AGBL1: variants seen among roughly 807,000 people sequenced by gnomAD.
AGBL1 encodes AGBL carboxypeptidase 1, also known as cytosolic carboxypeptidase 4.
In AGBL1, 130 loss-of-function variants were observed where a neutral mutation model predicts 118.9. That is an observed-to-expected ratio of 1.09 (90% CI 0.95 to 1.26). The LOEUF (loss-of-function observed/expected upper bound fraction) is 1.26, where lower values mean the gene tolerates loss of function less well. Ranked by LOEUF, AGBL1 falls within the 50% of genes most tolerant of loss-of-function variation. The pLI is 0.00. For synonymous variants in AGBL1, 555 were observed against 478.9 expected (o/e 1.16, Z -2.08); for missense variants, 1,584 against 1,298.1 (o/e 1.22, Z -3.38).
chr15:86,646,435 A>C (rs981989886), intron 21 of AGBL1, among the ~76,000 whole-genome samples: 5 of 152,138 alleles, frequency 3.3e-5, no homozygotes, highest in African/African-American at 1.2e-4. Context: ...TTCTCATAGA[A>C]AAGGTTTTGT....
At chr15:86,732,712 G>A (rs1008333734) in intron 22 of AGBL1, among the ~76,000 whole-genome samples, 1 of 152,062 alleles carries the variant, frequency 6.6e-6, no homozygotes, top group Non-Finnish European at 1.5e-5. Context: ...ATTCTAGACT[G>A]TGCCATATAT....
chr15:86,856,998 A>T (rs913674886), intron 22 of AGBL1, among the ~76,000 whole-genome samples: 1 of 152,136 alleles, frequency 6.6e-6, no homozygotes, highest in Non-Finnish European at 1.5e-5. Flanking sequence ...CAGTGGTCCT[A>T]CGTCCCAGCT....
At chr15:86,246,539 A>T (rs1235527601) in intron 6 of AGBL1, among the ~76,000 whole-genome samples, 3 of 152,110 alleles carry the variant, frequency 2.0e-5, no homozygotes, top group Non-Finnish European at 4.4e-5. Flanking sequence ...GGTGTTGTCC[A>T]TTGGGTTTTA....
intron 18 of AGBL1, among the ~76,000 whole-genome samples, chr15:86,398,894 T>G (rs1225238545): frequency 1.3e-5 from 2 of 152,092 alleles, no homozygotes; most frequent in Non-Finnish European, 2.9e-5. Flanking sequence ...AAAATAAAAT[T>G]TCAGTACACA....
At chr15:86,155,179 A>G (rs945212788) in intron 4 of AGBL1, among the ~76,000 whole-genome samples, 1 of 152,222 alleles carries the variant, frequency 6.6e-6, no homozygotes, top group African/African-American at 2.4e-5. Flanking sequence ...TTTAAAGAGT[A>G]AAGCAGGGCC....
chr15:86,813,465 C>G (rs1268941278), intron 22 of AGBL1, among the ~76,000 whole-genome samples: 1 of 152,148 alleles, frequency 6.6e-6, no homozygotes, highest in Admixed American at 6.5e-5. Flanking sequence ...TAAGAAGAGT[C>G]ATATATGATT....
At chr15:86,649,775 G>GT (rs2085340545) in intron 21 of AGBL1, among the ~76,000 whole-genome samples, 1 of 145,396 alleles carries the variant, frequency 6.9e-6, no homozygotes, top group Non-Finnish European at 1.5e-5. Context: ...TTTTTTTTTG[G>GT]TGGGGGGCTT....
At chr15:86,979,631 G>C (rs2081209490) in intron 23 of AGBL1, among the ~76,000 whole-genome samples, 1 of 151,640 alleles carries the variant, frequency 6.6e-6, no homozygotes, top group African/African-American at 2.4e-5. Flanking sequence ...TGCAACTACA[G>C]GTGCCCGCCA....
chr15:86,264,547 T>A lies in AGBL1; in HGVS notation c.1376T>A (p.Ile459Asn). ...RDSSESEIPD[I>N]QASPKADAWD... Reference sequence around the variant, plus strand: ...TCTTCTGAAAGTGAAATCCCTGACATTCAGGCTTCCCCGAAAGCAGATGCC... The same window carrying A: ...TCTTCTGAAAGTGAAATCCCTGACAATCAGGCTTCCCCGAAAGCAGATGCC... Residue 459 changes from isoleucine to asparagine, a missense_variant, in exon 11 of 23, where the codon ATT becomes AAT. Ile to Asn is a moderately radical substitution (Grantham distance 149). Coordinates refer to ENST00000614907, the MANE Select transcript of AGBL1 (RefSeq NM_001386094.1). 1.2e-6 allele frequency: 2 copies of A among 1,614,014 alleles called. No individual in the cohort carries two copies. Among genetic ancestry groups the A allele is most frequent in the East Asian group, 4.5e-5 (2 of 44,882 alleles).
intron 7 of AGBL1, among the ~76,000 whole-genome samples, chr15:86,250,899 C>T (rs545730293): frequency 8.5e-5 from 13 of 152,330 alleles, no homozygotes; most frequent in Non-Finnish European, 1.6e-4. Context: ...GATGTTATTT[C>T]AGTTGCCATT....
At chr15:86,215,294 A>G (rs1031172582) in intron 5 of AGBL1, among the ~76,000 whole-genome samples, 1 of 149,554 alleles carries the variant, frequency 6.7e-6, no homozygotes, top group Non-Finnish European at 1.5e-5. Flanking sequence ...GTCCCTCTCA[A>G]TTCAGGCAGG....
At chr15:86,685,397 C>T (rs1328510642) in intron 22 of AGBL1, among the ~76,000 whole-genome samples, 9 of 152,090 alleles carry the variant, frequency 5.9e-5, no homozygotes, top group Admixed American at 5.9e-4. Context: ...GATAACTTAG[C>T]ATAAGCCAAT....
At chr15:87,020,018 G>A (rs1271787771) in intron 24 of AGBL1, among the ~76,000 whole-genome samples, 1 of 151,466 alleles carries the variant, frequency 6.6e-6, no homozygotes, top group African/African-American at 2.4e-5. Flanking sequence ...TAGATAAAAT[G>A]AATAAATTCC....
At chr15:86,134,853 T>G (rs1403671627) in intron 1 of AGBL1, among the ~76,000 whole-genome samples, 1 of 151,874 alleles carries the variant, frequency 6.6e-6, no homozygotes, top group East Asian at 1.9e-4. Context: ...GACCTCATGA[T>G]CTGCCTGCCT....
chr15:86,301,619 C>T (rs996433396), intron 17 of AGBL1, among the ~76,000 whole-genome samples: 2 of 149,332 alleles, frequency 1.3e-5, no homozygotes, highest in African/African-American at 4.9e-5. Flanking sequence ...GTCTTTGTCA[C>T]TGAGGTACTC....
intron 22 of AGBL1, among the ~76,000 whole-genome samples, chr15:86,832,574 T>G (rs1056313414): frequency 3.9e-5 from 6 of 152,220 alleles, no homozygotes; most frequent in African/African-American, 1.4e-4. Context: ...CCAGTCTCTT[T>G]GCCAAAACAT....
rs187958473 is a variant in AGBL1, at chr15:86,749,215, A to C, written c.3158+74779A>C. On this transcript the variant is annotated intron_variant, in intron 22 of 22. Transcript: ENST00000614907. ...CAGTGATTTGTAGTTCTCCTTGAAG[A>C]GGTCCTTCACATCCCTTGGAAGTTG... is the stretch of plus-strand genomic sequence containing the variant. Among the ~76,000 whole-genome samples the C allele has an allele frequency of 7.2e-4, 109 of 152,254 alleles. 2 individuals carry two copies. In the East Asian group the frequency reaches 0.019, roughly 27 times the overall value.
intron 22 of AGBL1, among the ~76,000 whole-genome samples, chr15:86,750,161 A>G (rs2077825112): frequency 6.6e-6 from 1 of 152,052 alleles, no homozygotes; most frequent in African/African-American, 2.4e-5. Flanking sequence ...TTTTCTAGTC[A>G]AATAACTGTG....
At chr15:86,410,807 GATATATATATATAT>G (rs36127489) in intron 18 of AGBL1, among the ~76,000 whole-genome samples, 886 of 40,344 alleles carry the variant, frequency 0.022, 85 homozygotes, top group African/African-American at 0.083. Flanking sequence ...GTCAAATGTA[GATATATATATATAT>G]ATATATATAT....
Sources: allele counts gnomAD v4.1 joint callset (sites outside exome capture counted in the v4.1 genomes callset), GRCh38; gene constraint gnomAD v4.1.1; transcripts MANE v1.5; gene names NCBI Gene and HGNC (gene_info 2026-07-23, HGNC 2026-07-21).